Variants in SPOCD1 observed in about 807,000 individuals in gnomAD.
The protein encoded by SPOCD1 is SPOC domain-containing protein 1.
Under a neutral mutation model 92.2 loss-of-function variants are expected in SPOCD1, and 64 were observed. The observed-to-expected ratio is 0.69, with a 90% CI of 0.57 to 0.86. SPOCD1 has a LOEUF of 0.86. Among genes scored for constraint, SPOCD1 ranks in the 40% least tolerant of loss-of-function variants. The pLI is 0.00. For missense variants in SPOCD1, 1,360 were observed against 1,543.1 expected, an observed-to-expected ratio of 0.88 and a Z score of 1.99; for synonymous variants, 578 against 619.3, an observed-to-expected ratio of 0.93 and a Z score of 0.99.
intron 10 of SPOCD1, chr1:31,795,700 G>C (rs1006397643): frequency 6.6e-6 from 1 of 152,220 alleles, no homozygotes; most frequent in African/African-American, 2.4e-5. Flanking sequence ...TGGTAGGAGT[G>C]GGGAGCAGGG....
chr1:31,810,504 C>G (rs113153842), intron 2 of SPOCD1, among the ~76,000 whole-genome samples: 294 of 152,192 alleles, frequency 1.9e-3, no homozygotes, highest in African/African-American at 6.5e-3. Flanking sequence ...CAGGCACAAG[C>G]CACCATGCCC....
Position 31,800,097 on chromosome 1 carries a change from A to G in SPOCD1, c.1647T>C (p.Gly549=). The part of the protein sequence containing the change: ...SPSGGTAGDP[G]GLSDPFYPPR... ...GAGGGTAGAAGGGGTCAGAGAGGCC[A>G]CCAGGGTCCCCTGCTGTGCCTCCTG... Residue 549 remains glycine, a synonymous_variant, in exon 5 of 16, where the codon GGT becomes GGC. Transcript: ENST00000360482. The G allele has an allele frequency of 6.2e-7, 1 of 1,605,624 alleles. No individual in the cohort carries two copies. Among genetic ancestry groups the G allele is most frequent in the Non-Finnish European group, 8.5e-7 (1 of 1,177,638 alleles).
rs367603473 is a variant in SPOCD1 at position 31,800,626 on chromosome 1, G to C, written c.1426-9C>G. The C allele has an allele frequency of 1.9e-6, 3 of 1,593,108 alleles. No individual in the cohort carries two copies. The highest frequency in any genetic ancestry group is 1.3e-5 in the African/African-American group (1 of 74,624). Reference sequence around the variant, plus strand: ...ACTGGCCCGGAACCCAGCTGCGGGGGAGATCGCACTTCAGAAGCAAGCGGG... The same window carrying C: ...ACTGGCCCGGAACCCAGCTGCGGGGCAGATCGCACTTCAGAAGCAAGCGGG... On this transcript the variant is annotated splice_polypyrimidine_tract_variant and intron_variant, in intron 3 of 15. Coordinates refer to ENST00000360482, the MANE Select transcript of SPOCD1 (RefSeq NM_144569.7).
At chr1:31,794,344 G>C in intron 10 of SPOCD1, 109 bp from the exon 11 acceptor site, 8 of 632,232 alleles carry the variant, frequency 1.3e-5, no homozygotes, top group Non-Finnish European at 2.7e-6. Context: ...AATAATAAAT[G>C]TTGTTTTATT....
chr1:31,791,312 C>T, intron 15 of SPOCD1, 21 bp from the exon 16 acceptor site: 1 of 1,484,050 alleles, frequency 6.7e-7, no homozygotes, highest in South Asian at 1.4e-5. Context: ...GAACTGTGTT[C>T]AGCTTAGCTG....
intron 2 of SPOCD1, among the ~76,000 whole-genome samples, chr1:31,802,313 C>T (rs1277642546): frequency 6.6e-6 from 1 of 152,208 alleles, no homozygotes; most frequent in South Asian, 2.1e-4. Context: ...CACAGAAGCA[C>T]ATCATTCATG....
intron 2 of SPOCD1, among the ~76,000 whole-genome samples, chr1:31,804,294 A>G (rs1008332469): frequency 6.6e-6 from 1 of 152,232 alleles, no homozygotes; most frequent in Non-Finnish European, 1.5e-5. Context: ...GAGGTTAATC[A>G]GCTTGCCCAA....
In SPOCD1 at chr1:31,814,824, AC is replaced by A; in HGVS notation, c.509del (p.Gly170ValfsTer3). ...TGTCACACCCTGGAGAACTCATTCCACCGTCTCTGGCCTCCCTGGGCCTGAG... is the reference window on the plus strand; with the variant it reads ...TGTCACACCCTGGAGAACTCATTCCACGTCTCTGGCCTCCCTGGGCCTGAG... ...SCLRPREARD[G>X]GMSSPGCDRR... is the part of the protein sequence containing the mutation. On this transcript the variant is annotated frameshift_variant, in exon 2 of 16. Coordinates refer to ENST00000360482, the MANE Select transcript of SPOCD1 (RefSeq NM_144569.7). LOFTEE classifies it high-confidence loss of function. This position sits in a 1 kb window ranked among gnomAD's most constrained non-coding sequence, Gnocchi z 4.2. 6.2e-7 allele frequency: 1 copy of A among 1,612,360 alleles called. No individual in the cohort carries two copies. The highest frequency in any genetic ancestry group is 8.5e-7 in the Non-Finnish European group (1 of 1,179,394).
intron 2 of SPOCD1, among the ~76,000 whole-genome samples, chr1:31,806,648 C>T (rs1215982585): frequency 1.3e-5 from 2 of 151,594 alleles, no homozygotes; most frequent in African/African-American, 2.4e-5. Context: ...GAGGTTCAAG[C>T]GATTCTCCTG....
At chr1:31,813,523 A>G (rs1649339070) in intron 2 of SPOCD1, among the ~76,000 whole-genome samples, 1 of 152,216 alleles carries the variant, frequency 6.6e-6, no homozygotes, top group African/African-American at 2.4e-5. Context: ...TCTGCCTCCC[A>G]AAGTGCTGGG....
intron 7 of SPOCD1, 69 bp downstream of exon 7, chr1:31,799,331 AG>A: frequency 7.4e-7 from 1 of 1,351,004 alleles, no homozygotes; most frequent in Non-Finnish European, 1.0e-6. Flanking sequence ...AGAACATGGC[AG>A]GGCCCCGGAG....
Position 31,793,377 on chromosome 1 carries a change from G to A in SPOCD1, c.2586C>T (p.Pro862=). Residue 862 remains proline (P), a synonymous_variant, in exon 13 of 16, where the codon CCC becomes CCT. Transcript: ENST00000360482. The part of the protein sequence containing the change: ...HVPAAPTKAL[P]CLPPWEGVLD... ...GAACACCTTCCCAGGGTGGCAGGCAGGGCAGGGCCTTTGTGGGTGCAGCAG... is the reference window on the plus strand; with the variant it reads ...GAACACCTTCCCAGGGTGGCAGGCAAGGCAGGGCCTTTGTGGGTGCAGCAG... The A allele has an allele frequency of 6.3e-7, 1 of 1,592,576 alleles. No individual in the cohort carries two copies.
intron 2 of SPOCD1, among the ~76,000 whole-genome samples, chr1:31,805,330 T>G (rs1053919145): frequency 6.6e-6 from 1 of 151,742 alleles, no homozygotes; most frequent in Non-Finnish European, 1.5e-5. Flanking sequence ...AAACTGAGGA[T>G]AGGAAACATC....
Position 31,792,217 on chromosome 1 carries a change from G to A in SPOCD1, c.2960C>T (p.Pro987Leu). 1 of 1,600,050 alleles carries A rather than the reference G, an allele frequency of 6.2e-7. No individual in the cohort carries two copies. Among genetic ancestry groups the A allele is most frequent in the Non-Finnish European group, 8.5e-7 (1 of 1,173,400 alleles). ...TGGTATGGGGACTAGGCACTCACCT[G>A]GGCCCCCCAAAGGGCGCAGCCTGGT... is the stretch of plus-strand genomic sequence containing the variant. ...LPTRLRPLGG[P>L]GLWALPVSPL... The change falls in exon 15 of 16, where the codon CCA becomes CTA. Residue 987 changes from proline (P) to leucine (L), a missense_variant and splice_region_variant. This residue lies in a region of SPOCD1 where 614 missense variants were observed against 757.8 expected (regional missense o/e 0.81). Transcript: ENST00000360482.
In SPOCD1 at chr1:31,799,497, G is replaced by A. The variant is rs778467048; in HGVS notation, c.1784-12C>T. 1 of 1,606,180 alleles carries A rather than the reference G, an allele frequency of 6.2e-7. No homozygotes were observed. Among genetic ancestry groups the A allele is most frequent in the Non-Finnish European group, 8.5e-7 (1 of 1,176,178 alleles). The stretch of plus-strand genomic sequence containing the variant: ...CTGTTGGAGCTGAGCTGTAGGGAGA[G>A]AGCGTCACAGGCTCCCAGGGGTGCC... On this transcript the variant is annotated splice_polypyrimidine_tract_variant and intron_variant, in intron 6 of 15. Coordinates refer to ENST00000360482, the MANE Select transcript of SPOCD1 (RefSeq NM_144569.7).
At chr1:31,794,279 G>A (rs1305215535) in intron 10 of SPOCD1, 44 bp from the exon 11 acceptor site, 2 of 1,534,852 alleles carry the variant, frequency 1.3e-6, no homozygotes, top group Non-Finnish European at 8.9e-7. Flanking sequence ...ACGTGGCTGG[G>A]GGTGCCCGGA....
intron 14 of SPOCD1, 61 bp downstream of exon 14, chr1:31,792,613 AAGTG>A: frequency 7.4e-7 from 1 of 1,346,816 alleles, no homozygotes. Context: ...TCTGCTCTAG[AAGTG>A]GAGAGGGAGG....
In SPOCD1 at chr1:31,815,085, C is replaced by T. The variant is rs1380233180; in HGVS notation, c.249G>A (p.Leu83=). 1 of 1,613,624 alleles carries T rather than the reference C, an allele frequency of 6.2e-7. No homozygotes were observed. The highest frequency in any genetic ancestry group is 1.7e-5 in the Admixed American group (1 of 60,004). The change falls in exon 2 of 16, where the codon TTG becomes TTA. Residue 83 remains leucine (L), a synonymous_variant. Transcript: ENST00000360482. ...GGCTCTGTACCACAGCTAGCAGCTC[C>T]AAGACCCCTGGCCGGACCTCAGCAG... The part of the protein sequence containing the change: ...AGAAEVRPGV[L]ELLAVVQSRG...
At chr1:31,800,180 G>A in intron 4 of SPOCD1, 39 bp from the exon 5 acceptor site, 3 of 1,552,040 alleles carry the variant, frequency 1.9e-6, no homozygotes, top group Non-Finnish European at 2.6e-6. Context: ...GCCGGAAATG[G>A]AGGCCAGGGA....
Sources: allele counts gnomAD v4.1 joint callset (sites outside exome capture counted in the v4.1 genomes callset), GRCh38; gene constraint gnomAD v4.1.1; regional missense constraint gnomAD v4.1.1; non-coding constraint Gnocchi (gnomAD v3.1); transcripts MANE v1.5; gene names NCBI Gene and HGNC (gene_info 2026-07-23, HGNC 2026-07-21).